The following ASPH variants were observed in gnomAD, a reference collection of about 807,000 sequenced individuals.
ASPH encodes aspartyl/asparaginyl beta-hydroxylase.
ASPH carries 100 observed loss-of-function variants against 118.4 expected under a neutral mutation model. That is an observed-to-expected ratio of 0.84 (90% CI 0.72 to 1.00). The LOEUF is 1.00. Ranked by LOEUF, ASPH falls within the 50% of genes least tolerant of loss-of-function variation. The probability of loss-of-function intolerance (pLI) is 0.00; values close to 1 mark genes in which losing one functional copy is unlikely to be tolerated. For synonymous variants in ASPH, 315 were observed against 325.6 expected (o/e 0.97, Z 0.35); for missense variants, 920 against 919.5 (o/e 1.00, Z -0.01).
At chr8:61,580,027 T>G (rs1836977956) in intron 15 of ASPH, among the ~76,000 whole-genome samples, 1 of 151,222 alleles carries the variant, frequency 6.6e-6, no homozygotes, top group African/African-American at 2.4e-5. Context: ...TGAAATCATC[T>G]CCTTTGACTC....
chr8:61,670,769 A>G (rs750031789), intron 3 of ASPH, among the ~76,000 whole-genome samples: 6 of 152,020 alleles, frequency 3.9e-5, no homozygotes, highest in Non-Finnish European at 8.8e-5. Flanking sequence ...TGAAAAAAAA[A>G]GGTGAGTGAA....
intron 20 of ASPH, among the ~76,000 whole-genome samples, chr8:61,548,636 G>T (rs184540634): frequency 3.6e-4 from 55 of 152,230 alleles, no homozygotes; most frequent in African/African-American, 1.3e-3. Flanking sequence ...GAATCAGAAT[G>T]CTAAAATAAA....
chr8:61,527,218 T>C (rs1208638684), intron 21 of ASPH, among the ~76,000 whole-genome samples: 1 of 152,208 alleles, frequency 6.6e-6, no homozygotes, highest in Non-Finnish European at 1.5e-5. Context: ...TAAAGATTGA[T>C]TGAGTTTCTT....
intron 1 of ASPH, among the ~76,000 whole-genome samples, chr8:61,686,271 T>A (rs564142986): frequency 1.3e-5 from 2 of 152,306 alleles, no homozygotes; most frequent in East Asian, 3.9e-4. Flanking sequence ...TGTTGCAGAT[T>A]AAATCAACTT....
At chr8:61,647,689 A>G (rs761012632) in intron 5 of ASPH, among the ~76,000 whole-genome samples, 42 of 151,986 alleles carry the variant, frequency 2.8e-4, no homozygotes, top group Non-Finnish European at 5.6e-4. Context: ...TAAATAAATA[A>G]ATTAAATTAA....
intron 13 of ASPH, among the ~76,000 whole-genome samples, chr8:61,629,441 C>G (rs906987937): frequency 6.6e-6 from 1 of 152,150 alleles, no homozygotes; most frequent in African/African-American, 2.4e-5. Context: ...TCAAGGAAAA[C>G]TATGAGTTTA....
chr8:61,622,209 G>A (rs535747946), intron 13 of ASPH, among the ~76,000 whole-genome samples: 4 of 152,092 alleles, frequency 2.6e-5, no homozygotes, highest in Non-Finnish European at 5.9e-5. Flanking sequence ...GTGGTGGCAC[G>A]TGCCTGTAGT....
At chr8:61,671,954 G>A (rs1822769338) in intron 3 of ASPH, among the ~76,000 whole-genome samples, 1 of 152,208 alleles carries the variant, frequency 6.6e-6, no homozygotes, top group South Asian at 2.1e-4. Flanking sequence ...GAATTGGTCT[G>A]GATATCACTT....
intron 22 of ASPH, among the ~76,000 whole-genome samples, chr8:61,522,717 T>C (rs999780069): frequency 6.6e-6 from 1 of 152,212 alleles, no homozygotes; most frequent in African/African-American, 2.4e-5. Flanking sequence ...GTAAGTTTCC[T>C]GAGGCCTCCC....
rs776571509 is a variant in ASPH at position 61,555,915 on chromosome 8, G to A, written c.1536+9C>T. The A allele has an allele frequency of 6.2e-7, 1 of 1,610,920 alleles. No homozygotes were observed. Among genetic ancestry groups the A allele is most frequent in the African/African-American group, 1.3e-5 (1 of 74,862 alleles). On this transcript the variant is annotated intron_variant, in intron 19 of 24. Transcript: ENST00000379454. ...AAGATGAAAGGAGAGGAGAAGCAGT[G>A]AGCATTACCTTTAAATATGGGATGC... is the stretch of plus-strand genomic sequence containing the variant.
At chr8:61,693,760 C>G (rs906713812) in intron 1 of ASPH, among the ~76,000 whole-genome samples, 1 of 152,182 alleles carries the variant, frequency 6.6e-6, no homozygotes, top group South Asian at 2.1e-4. Context: ...TTTCTGCTTC[C>G]TGCATATCCC....
Position 61,572,743 on chromosome 8 carries a change from C to T in ASPH, c.1149+4029G>A, listed in dbSNP as rs1042718239. Among the ~76,000 whole-genome samples, 64 of 152,140 alleles carry T rather than the reference C, an allele frequency of 4.2e-4. 1 individual carries two copies. Among genetic ancestry groups the T allele is most frequent in the Non-Finnish European group, 2.5e-4 (17 of 68,038 alleles). The stretch of plus-strand genomic sequence containing the variant: ...TTCTTTTTGCATCTACTTTTGCCTC[C>T]ATAATCCATTTTCCACTCAGTAACC... On this transcript the variant is annotated intron_variant, in intron 16 of 24. Transcript: ENST00000379454.
chr8:61,623,507 T>C (rs1417979458), intron 13 of ASPH, among the ~76,000 whole-genome samples: 2 of 152,188 alleles, frequency 1.3e-5, no homozygotes, highest in Non-Finnish European at 2.9e-5. Flanking sequence ...TCACTTTACT[T>C]TGTTGTTTCC....
intron 2 of ASPH, chr8:61,682,470 G>C (rs1195925156): frequency 1.9e-6 from 3 of 1,612,584 alleles, no homozygotes; most frequent in Non-Finnish European, 2.5e-6. Flanking sequence ...TATAACGGAA[G>C]TCCTTTGCTT....
chr8:61,591,070 C>T (rs1233542498), intron 14 of ASPH, among the ~76,000 whole-genome samples: 1 of 152,156 alleles, frequency 6.6e-6, no homozygotes, highest in African/African-American at 2.4e-5. Context: ...CTCCCACCTT[C>T]CTCCCTTGCT....
intron 1 of ASPH, among the ~76,000 whole-genome samples, chr8:61,685,277 C>CA (rs1205238003): frequency 6.6e-6 from 1 of 151,714 alleles, no homozygotes; most frequent in Admixed American, 6.6e-5. Flanking sequence ...AGGCTTATGA[C>CA]AAAAAAAACA....
chr8:61,656,313 G>A (rs1813654396), intron 3 of ASPH: 1 of 152,196 alleles, frequency 6.6e-6, no homozygotes, highest in South Asian at 2.1e-4. Context: ...TAAACAAGAA[G>A]TGCGGAGGCG....
intron 3 of ASPH, chr8:61,662,965 G>A: frequency 1.0e-6 from 1 of 985,254 alleles, no homozygotes; most frequent in South Asian, 4.7e-5. Context: ...AAAAACTAAG[G>A]TAAAAATTAC....
At chr8:61,703,191 A>G (rs1835695793) in intron 1 of ASPH, among the ~76,000 whole-genome samples, 1 of 152,244 alleles carries the variant, frequency 6.6e-6, no homozygotes, top group African/African-American at 2.4e-5. Flanking sequence ...TATTTTACTT[A>G]CTTAATGGTA....
Sources: gnomAD v4.1 joint callset for allele counts (sites outside exome capture counted in the v4.1 genomes callset) on GRCh38, gnomAD v4.1.1 for gene constraint, MANE v1.5 for transcripts, NCBI Gene and HGNC (gene_info 2026-07-23, HGNC 2026-07-21) for gene names.